The following PLSCR2 variants were observed in gnomAD, a reference collection of about 807,000 sequenced individuals.
PLSCR2 encodes PL scramblase 2.
In PLSCR2, 18 loss-of-function variants were observed where a neutral mutation model predicts 25.3. The ratio of observed to expected loss-of-function variants is 0.71; its 90% CI spans 0.49 to 1.06. The LOEUF is 1.06. Ranked by LOEUF, PLSCR2 falls within the 50% of genes least tolerant of loss-of-function variation. The probability of loss-of-function intolerance (pLI) is 0.00; values close to 1 mark genes in which losing one functional copy is unlikely to be tolerated. For synonymous variants in PLSCR2, 88 were observed against 87.3 expected, an observed-to-expected ratio of 1.01 and a Z score of -0.04; for missense variants, 243 against 269.5, an observed-to-expected ratio of 0.90 and a Z score of 0.69.
At chr3:146,432,132 T>C (rs2108127287), downstream of PLSCR2, among the ~76,000 whole-genome samples, 1 of 152,322 alleles carries the variant, frequency 6.6e-6, no homozygotes, top group African/African-American at 2.4e-5. Flanking sequence ...TCATCAAACC[T>C]TTAATTAATT....
chr3:146,393,907 C>G (rs2038183971), intron 3 of PLSCR2, among the ~76,000 whole-genome samples: 1 of 150,630 alleles, frequency 6.6e-6, no homozygotes, highest in Admixed American at 6.6e-5. Flanking sequence ...TCTCTTATAT[C>G]TAGTATAAAT....
chr3:146,440,307 G>C (rs2040155319), downstream of PLSCR2, among the ~76,000 whole-genome samples: 1 of 152,208 alleles, frequency 6.6e-6, no homozygotes, highest in Admixed American at 6.5e-5. Context: ...AAAGCTGTCA[G>C]ACAGGGACAT....
downstream of PLSCR2, among the ~76,000 whole-genome samples, chr3:146,429,937 G>A (rs1296974934): frequency 6.6e-6 from 1 of 152,146 alleles, no homozygotes; most frequent in East Asian, 1.9e-4. Flanking sequence ...AGGGGTGGGA[G>A]CAAAGAGGGG....
intron 2 of PLSCR2, among the ~76,000 whole-genome samples, chr3:146,402,537 G>A (rs4681318): frequency 0.53 from 79,616 of 151,556 alleles, 21,159 homozygotes; most frequent in South Asian, 0.71. Flanking sequence ...GCACAGTCTC[G>A]GCTCACTACA....
intron 2 of PLSCR2, among the ~76,000 whole-genome samples, chr3:146,419,910 G>A (rs918646389): frequency 2.0e-5 from 3 of 152,002 alleles, no homozygotes; most frequent in African/African-American, 7.2e-5. Context: ...TGCTGTTTAG[G>A]ACAACGTAAT....
intron 1 of PLSCR2, among the ~76,000 whole-genome samples, chr3:146,466,777 A>T (rs1385474943): frequency 2.6e-5 from 4 of 152,224 alleles, no homozygotes; most frequent in African/African-American, 9.6e-5. Context: ...GCTGAATTGA[A>T]ATTATTCATG....
chr3:146,455,202 A>T (rs753005410), intron 4 of PLSCR2, 37 bp downstream of exon 4: 3 of 1,361,538 alleles, frequency 2.2e-6, no homozygotes, highest in Non-Finnish European at 3.2e-6. Context: ...TCCTTGCTGA[A>T]CTACTTTATG....
intron 2 of PLSCR2, among the ~76,000 whole-genome samples, chr3:146,405,850 G>A (rs902817961): frequency 2.6e-5 from 4 of 151,946 alleles, no homozygotes; most frequent in African/African-American, 7.3e-5. Flanking sequence ...GATTTTTCTC[G>A]CACCTTTTAG....
chr3:146,408,441 G>A lies in PLSCR2; in HGVS notation c.101-12520C>T, dbSNP rs191985264. Among the ~76,000 whole-genome samples, 13 of 152,262 alleles carry A rather than the reference G, an allele frequency of 8.5e-5. 1 individual carries two copies. In the East Asian group the frequency reaches 2.3e-3, roughly 27 times the overall value. The stretch of plus-strand genomic sequence containing the variant: ...CATTTCATCCTGCACCTCTTGGATA[G>A]CCACCATTTAGATTTTTTTTTGTCT... On this transcript the variant is annotated intron_variant and NMD_transcript_variant, in intron 2 of 3. Transcript: ENST00000463633.
intron 1 of PLSCR2, among the ~76,000 whole-genome samples, chr3:146,490,826 A>G (rs1473020721): frequency 6.6e-6 from 1 of 152,112 alleles, no homozygotes; most frequent in East Asian, 1.9e-4. Flanking sequence ...CCTTTTAGGT[A>G]GGGCATTTAG....
intron 1 of PLSCR2, among the ~76,000 whole-genome samples, chr3:146,478,052 A>G (rs554620752): frequency 6.6e-6 from 1 of 152,164 alleles, no homozygotes; most frequent in South Asian, 2.1e-4. Flanking sequence ...AACTGAAAGG[A>G]ATAGCATCAA....
intron 2 of PLSCR2, among the ~76,000 whole-genome samples, chr3:146,416,968 A>G (rs2039020360): frequency 6.6e-6 from 1 of 152,184 alleles, no homozygotes; most frequent in Non-Finnish European, 1.5e-5. Context: ...ACCTACACCA[A>G]TCTTGAAGAA....
intron 6 of PLSCR2, among the ~76,000 whole-genome samples, chr3:146,447,841 C>T (rs891133775): frequency 6.6e-6 from 1 of 152,118 alleles, no homozygotes; most frequent in Non-Finnish European, 1.5e-5. Context: ...CTCATGGTAG[C>T]GAGGTTTGTC....
exon 9 of PLSCR2, chr3:146,433,405 G>A (rs1187518357): frequency 6.6e-6 from 1 of 152,078 alleles, no homozygotes; most frequent in Non-Finnish European, 1.5e-5. Context: ...ATTTAAATGA[G>A]TTCCACAGAT....
intron 1 of PLSCR2, among the ~76,000 whole-genome samples, chr3:146,495,222 T>C (rs2108595807): frequency 6.6e-6 from 1 of 152,274 alleles, no homozygotes; most frequent in Middle Eastern, 3.4e-3. Flanking sequence ...GTTTTTCTTC[T>C]CTCTAGAGAA....
chr3:146,476,916 G>T (rs889825058), intron 1 of PLSCR2, among the ~76,000 whole-genome samples: 1 of 152,258 alleles, frequency 6.6e-6, no homozygotes, highest in Non-Finnish European at 1.5e-5. Flanking sequence ...AGCTGACTTA[G>T]TCTTTCCCCC....
intron 5 of PLSCR2, among the ~76,000 whole-genome samples, chr3:146,451,395 G>A (rs1438039720): frequency 1.3e-5 from 2 of 152,030 alleles, no homozygotes; most frequent in Non-Finnish European, 2.9e-5. Flanking sequence ...GATTACATAA[G>A]CCACCGTGCC....
chr3:146,471,209 T>C (rs2042107718), intron 1 of PLSCR2, among the ~76,000 whole-genome samples: 7 of 152,198 alleles, frequency 4.6e-5, no homozygotes. Flanking sequence ...TAAATTGTGC[T>C]GTAGTCATCA....
chr3:146,420,623 C>G (rs998761589), intron 2 of PLSCR2, among the ~76,000 whole-genome samples: 3 of 151,870 alleles, frequency 2.0e-5, no homozygotes, highest in Non-Finnish European at 2.9e-5. Context: ...TTGATTATCT[C>G]TAGTTTAATA....
Sources: gnomAD v4.1 joint callset for allele counts (sites outside exome capture counted in the v4.1 genomes callset) on GRCh38, gnomAD v4.1.1 for gene constraint, MANE v1.5 for transcripts, NCBI Gene and HGNC (gene_info 2026-07-23, HGNC 2026-07-21) for gene names.